FBXO42: variants seen among roughly 807,000 people sequenced by gnomAD.
FBXO42 encodes F-box only protein 42.
Under a neutral mutation model 71.7 loss-of-function variants are expected in FBXO42, and 12 were observed. The ratio of observed to expected loss-of-function variants is 0.17; its 90% CI spans 0.11 to 0.27. The LOEUF is 0.27. Among genes scored for constraint, FBXO42 ranks in the 10% least tolerant of loss-of-function variants. The pLI, the probability that FBXO42 is intolerant of heterozygous loss-of-function variation, is 1.00. For missense variants in FBXO42, 707 were observed against 911.9 expected (o/e 0.78, Z 2.89); for synonymous variants, 325 against 327.5 (o/e 0.99, Z 0.08).
intron 1 of FBXO42, among the ~76,000 whole-genome samples, chr1:16,323,862 AAGG>A (rs1329741510): frequency 2.0e-5 from 3 of 151,780 alleles, no homozygotes; most frequent in Admixed American, 2.0e-4. Flanking sequence ...TAAAAAGAAG[AAGG>A]GACTGGACTG....
At chr1:16,303,541 T>C (rs2082218494) in intron 3 of FBXO42, among the ~76,000 whole-genome samples, 1 of 151,912 alleles carries the variant, frequency 6.6e-6, no homozygotes, top group Non-Finnish European at 1.5e-5. Flanking sequence ...CAGGTTCACA[T>C]GAAGAGAGAA....
chr1:16,305,689 G>A, intron 3 of FBXO42, 114 bp downstream of exon 3: 1 of 857,108 alleles, frequency 1.2e-6, no homozygotes, highest in Non-Finnish European at 2.0e-6. Context: ...ACTCCAGCTT[G>A]GGTGATAGAG....
At chr1:16,330,220 G>A (rs1007976838) in intron 1 of FBXO42, among the ~76,000 whole-genome samples, 3 of 152,110 alleles carry the variant, frequency 2.0e-5, no homozygotes, top group African/African-American at 4.8e-5. Flanking sequence ...GGGAAATGAA[G>A]ATTAAAAAAT....
chr1:16,326,692 A>G (rs1016917725), intron 1 of FBXO42, among the ~76,000 whole-genome samples: 1 of 151,746 alleles, frequency 6.6e-6, no homozygotes, highest in Non-Finnish European at 1.5e-5. Flanking sequence ...TCAAAAAAAA[A>G]AAAAAAAAGA....
chr1:16,306,315 C>G (rs1291444639), intron 2 of FBXO42, among the ~76,000 whole-genome samples: 7 of 152,126 alleles, frequency 4.6e-5, no homozygotes, highest in Non-Finnish European at 1.0e-4. Flanking sequence ...CCGCGCCCAG[C>G]CTATAAGACA....
chr1:16,348,542 A>G (rs1406080065), intron 1 of FBXO42, among the ~76,000 whole-genome samples: 1 of 151,900 alleles, frequency 6.6e-6, no homozygotes, highest in Non-Finnish European at 1.5e-5. Context: ...ACTAAAAAAA[A>G]ACTACAAAAA....
Position 16,250,553 on chromosome 1 carries a change from A to G in FBXO42, c.*117T>C. 2 of 1,200,974 alleles carry G rather than the reference A, an allele frequency of 1.7e-6. No homozygotes were observed. The highest frequency in any genetic ancestry group is 2.3e-6 in the Non-Finnish European group (2 of 868,346). The allele number at this position is 1,200,974 out of a possible 1,614,324, so 74.4% of individuals were successfully genotyped here. ...CAGCCTGGAGTGACTTCGGTTGGGAATTAAAGAGTTTTGGCTTCTGGGAGT... is the reference window on the plus strand; with the variant it reads ...CAGCCTGGAGTGACTTCGGTTGGGAGTTAAAGAGTTTTGGCTTCTGGGAGT... On this transcript the variant is annotated 3_prime_UTR_variant, in exon 10 of 10. Transcript: ENST00000375592. The surrounding 1 kb of genome is among the most constrained non-coding windows in gnomAD (Gnocchi z 4.7).
Position 16,333,102 on chromosome 1 carries a change from T to TC in FBXO42, c.-17-17668dup, listed in dbSNP as rs1488250829. Among the ~76,000 whole-genome samples, 3 of 152,282 alleles carry TC rather than the reference T, an allele frequency of 2.0e-5. No individual in the cohort carries two copies. In the East Asian group the frequency reaches 5.8e-4, roughly 29 times the overall value. Reference sequence around the variant, plus strand: ...CCTACTCTGCCACGTAAGAGTTACCTCTTCTTGAGGTTCTATCCCCTCCAG... The same window carrying TC: ...CCTACTCTGCCACGTAAGAGTTACCTCCTTCTTGAGGTTCTATCCCCTCCAG... On this transcript the variant is annotated intron_variant, in intron 1 of 9. Coordinates refer to ENST00000375592, the MANE Select transcript of FBXO42 (RefSeq NM_018994.3).
Position 16,311,611 on chromosome 1 carries a change from C to T in FBXO42, c.250+3558G>A, listed in dbSNP as rs552703402. Among the ~76,000 whole-genome samples the T allele has an allele frequency of 2.5e-4, 37 of 150,584 alleles. No homozygotes were observed. In the South Asian group the frequency reaches 5.9e-3, roughly 24 times the overall value. Reference sequence around the variant, plus strand: ...AGAAGGTATGTGGGTAACACATAAGCGCATGAAAATACGCTCCATATCATT... The same window carrying T: ...AGAAGGTATGTGGGTAACACATAAGTGCATGAAAATACGCTCCATATCATT... On this transcript the variant is annotated intron_variant, in intron 2 of 9. Coordinates refer to ENST00000375592, the MANE Select transcript of FBXO42 (RefSeq NM_018994.3).
intron 1 of FBXO42, among the ~76,000 whole-genome samples, chr1:16,328,173 A>T (rs1244153419): frequency 6.6e-6 from 1 of 152,198 alleles, no homozygotes; most frequent in Non-Finnish European, 1.5e-5. Context: ...ATACATGTAA[A>T]TTTTTAAAAA....
At chr1:16,287,459 T>C (rs1248000738) in intron 4 of FBXO42, among the ~76,000 whole-genome samples, 1 of 152,206 alleles carries the variant, frequency 6.6e-6, no homozygotes, top group Non-Finnish European at 1.5e-5. Context: ...GGCTGAGATG[T>C]TTGTCAGTTA....
chr1:16,327,497 C>T (rs1040619206), intron 1 of FBXO42, among the ~76,000 whole-genome samples: 1 of 151,982 alleles, frequency 6.6e-6, no homozygotes, highest in African/African-American at 2.4e-5. Context: ...TGGTAAGTCC[C>T]AGAAGAAAAA....
intron 4 of FBXO42, among the ~76,000 whole-genome samples, chr1:16,281,150 CG>C (rs1182838969): frequency 6.6e-6 from 1 of 151,950 alleles, no homozygotes; most frequent in East Asian, 1.9e-4. Flanking sequence ...TTAGTAGAGA[CG>C]GGGTTTCTCC....
Position 16,252,954 on chromosome 1 carries a change from A to G in FBXO42, c.921+142T>C. ...AAAGCAGAAACAAAGGCCAGAAAAT[A>G]CAAAGGCTATACCCAAAAAGCATTC... On this transcript the variant is annotated intron_variant, in intron 8 of 9. Coordinates refer to ENST00000375592, the MANE Select transcript of FBXO42 (RefSeq NM_018994.3). The surrounding 1 kb of genome is among the most constrained non-coding windows in gnomAD (Gnocchi z 4.4). 3.2e-6 allele frequency: 2 copies of G among 630,670 alleles called. No homozygotes were observed. Among genetic ancestry groups the G allele is most frequent in the Non-Finnish European group, 5.2e-6 (2 of 382,884 alleles). 39.1% of individuals were successfully genotyped at this position (630,670 alleles called of 1,614,324 possible).
At chr1:16,264,768 T>C (rs570522255) in intron 4 of FBXO42, among the ~76,000 whole-genome samples, 13 of 152,344 alleles carry the variant, frequency 8.5e-5, no homozygotes, top group African/African-American at 3.1e-4. Context: ...AATAATCAGA[T>C]AGACACCCTA....
intron 1 of FBXO42, among the ~76,000 whole-genome samples, chr1:16,348,252 A>C (rs1343216339): frequency 6.6e-6 from 1 of 152,200 alleles, no homozygotes; most frequent in African/African-American, 2.4e-5. Flanking sequence ...AATTTCACTC[A>C]ATCCAAAAAT....
chr1:16,275,524 C>G (rs1167460549), intron 4 of FBXO42, among the ~76,000 whole-genome samples: 1 of 151,884 alleles, frequency 6.6e-6, no homozygotes, highest in Non-Finnish European at 1.5e-5. Flanking sequence ...GAGGCTGAAG[C>G]AGGAGGATCG....
intron 1 of FBXO42, among the ~76,000 whole-genome samples, chr1:16,324,442 C>A (rs2082434150): frequency 6.6e-6 from 1 of 152,018 alleles, no homozygotes; most frequent in Non-Finnish European, 1.5e-5. Context: ...AAACAAGAAG[C>A]CTTAACAGTT....
At chr1:16,301,475 C>A (rs897308575) in intron 3 of FBXO42, among the ~76,000 whole-genome samples, 1 of 151,808 alleles carries the variant, frequency 6.6e-6, no homozygotes, top group African/African-American at 2.4e-5. Flanking sequence ...CCAGACTGGG[C>A]AATAGGGCGA....
Sources: gnomAD v4.1 joint callset for allele counts (sites outside exome capture counted in the v4.1 genomes callset) on GRCh38, gnomAD v4.1.1 for gene constraint, Gnocchi (gnomAD v3.1) non-coding constraint, MANE v1.5 for transcripts, NCBI Gene and HGNC (gene_info 2026-07-23, HGNC 2026-07-21) for gene names.